The following CEP83 variants were observed in gnomAD, a reference collection of about 807,000 sequenced individuals.
CEP83 encodes the protein centrosomal protein 83.
In CEP83, 70 loss-of-function variants were observed where a neutral mutation model predicts 101.9. The observed-to-expected ratio is 0.69, with a 90% CI of 0.57 to 0.84. The LOEUF is 0.84. Ranked by LOEUF, CEP83 falls within the 40% of genes least tolerant of loss-of-function variation. The pLI is 0.00. For missense variants in CEP83, 715 were observed against 787.2 expected (o/e 0.91, Z 1.10); for synonymous variants, 264 against 267.9 (o/e 0.99, Z 0.14).
chr12:94,278,197 T>G, the CEP83 span: 1 of 369,240 alleles, frequency 2.7e-6, no homozygotes, highest in Admixed American at 3.4e-5. Context: ...CATTCCCTCG[T>G]TAAGCCAGGC....
chr12:94,378,751 A>G, intron 7 of CEP83, 40 bp downstream of exon 7: 1 of 1,597,276 alleles, frequency 6.3e-7, no homozygotes, highest in South Asian at 1.1e-5. Flanking sequence ...CACTTTAAAA[A>G]AGTATGCCAT....
chr12:94,429,915 G>A (rs766781593), intron 2 of CEP83, among the ~76,000 whole-genome samples: 1 of 152,184 alleles, frequency 6.6e-6, no homozygotes, highest in Non-Finnish European at 1.5e-5. Context: ...CATATAGCTG[G>A]TATCACTGAA....
intron 1 of CEP83, among the ~76,000 whole-genome samples, chr12:94,446,466 T>C (rs1177974786): frequency 6.6e-6 from 1 of 152,242 alleles, no homozygotes; most frequent in African/African-American, 2.4e-5. Context: ...TCCCAGCACT[T>C]TGGGAGGGCA....
At chr12:94,303,479 AAAT>A (rs902139217), downstream of CEP83, among the ~76,000 whole-genome samples, 1 of 152,190 alleles carries the variant, frequency 6.6e-6, no homozygotes, top group Non-Finnish European at 1.5e-5. Context: ...AATCATGCAA[AAAT>A]AATAATTTTA....
chr12:94,292,360 A>C, the CEP83 span, among the ~76,000 whole-genome samples: 2 of 152,226 alleles, frequency 1.3e-5, no homozygotes, highest in South Asian at 2.1e-4. Flanking sequence ...TTATATCTTG[A>C]TAAAGGTGGT....
intron 4 of CEP83, among the ~76,000 whole-genome samples, chr12:94,408,824 T>C (rs949958964): frequency 1.4e-4 from 21 of 152,082 alleles, no homozygotes; most frequent in Non-Finnish European, 2.8e-4. Context: ...TAGCCTCAAG[T>C]GATCCTCCTG....
At chr12:94,413,333 G>C (rs1403296947) in intron 2 of CEP83, among the ~76,000 whole-genome samples, 1 of 152,206 alleles carries the variant, frequency 6.6e-6, no homozygotes, top group Admixed American at 6.5e-5. Flanking sequence ...ACTAGAAGCA[G>C]ACTTTCCCAG....
chr12:94,363,940 G>A (rs961006317), intron 11 of CEP83, among the ~76,000 whole-genome samples: 4 of 137,974 alleles, frequency 2.9e-5, no homozygotes, highest in African/African-American at 8.3e-5. Context: ...AGAGTGAGAC[G>A]CTGTCTCAAA....
chr12:94,298,535 T>A, the CEP83 span: 1 of 1,027,762 alleles, frequency 9.7e-7, no homozygotes, highest in South Asian at 1.7e-5. Flanking sequence ...GTTTTGAACA[T>A]TATTTTCTCT....
At chr12:94,403,122 T>G (rs1356113215) in intron 5 of CEP83, 48 bp downstream of exon 5, 1 of 973,032 alleles carries the variant, frequency 1.0e-6, no homozygotes, top group Non-Finnish European at 1.6e-6. Flanking sequence ...TCATCAAGAC[T>G]TTGATCCCAT....
intron 2 of CEP83, among the ~76,000 whole-genome samples, chr12:94,412,909 G>T (rs1412172355): frequency 6.6e-6 from 1 of 150,804 alleles, no homozygotes; most frequent in Non-Finnish European, 1.5e-5. Flanking sequence ...CTGGAGTACA[G>T]TGGCGCTATC....
intron 4 of CEP83, among the ~76,000 whole-genome samples, chr12:94,408,772 C>G (rs1308123205): frequency 1.3e-5 from 2 of 151,918 alleles, no homozygotes; most frequent in South Asian, 2.1e-4. Flanking sequence ...TTTTTAGAGA[C>G]AGAGTTACCC....
chr12:94,274,015 C>A, the CEP83 span, among the ~76,000 whole-genome samples: 1 of 151,930 alleles, frequency 6.6e-6, no homozygotes, highest in Non-Finnish European at 1.5e-5. Flanking sequence ...GCTACTCCCC[C>A]TTTTGTTTGG....
At chr12:94,443,580 TC>T (rs1468769100) in intron 1 of CEP83, among the ~76,000 whole-genome samples, 2 of 151,970 alleles carry the variant, frequency 1.3e-5, no homozygotes, top group Non-Finnish European at 2.9e-5. Context: ...GCAACCTCCG[TC>T]CCGCGGGTTC....
chr12:94,329,026 T>C (rs2059094618), intron 14 of CEP83, among the ~76,000 whole-genome samples: 1 of 152,234 alleles, frequency 6.6e-6, no homozygotes, highest in Admixed American at 6.5e-5. Context: ...TGTAAACTTG[T>C]AAGCTCCTAG....
At chr12:94,317,593 T>C (rs888715962) in intron 14 of CEP83, among the ~76,000 whole-genome samples, 3 of 152,140 alleles carry the variant, frequency 2.0e-5, no homozygotes, top group Non-Finnish European at 4.4e-5. Context: ...CTTTTGCATA[T>C]GGTGTAAGGA....
At chr12:94,350,844 T>C (rs907257883) in intron 11 of CEP83, among the ~76,000 whole-genome samples, 4 of 152,116 alleles carry the variant, frequency 2.6e-5, no homozygotes, top group African/African-American at 9.7e-5. Context: ...AAGATGCATA[T>C]TAAAAGATGC....
chr12:94,317,122 TG>T (rs1482842515), intron 14 of CEP83, among the ~76,000 whole-genome samples: 1 of 152,166 alleles, frequency 6.6e-6, no homozygotes, highest in African/African-American at 2.4e-5. Context: ...TTCTGACTGG[TG>T]TAAGATGGTA....
intron 11 of CEP83, among the ~76,000 whole-genome samples, chr12:94,354,663 A>G (rs1281462089): frequency 6.6e-6 from 1 of 152,236 alleles, no homozygotes; most frequent in East Asian, 1.9e-4. Context: ...GTACAAATAC[A>G]TGAAAATTAA....
Sources: gnomAD v4.1 joint callset for allele counts (sites outside exome capture counted in the v4.1 genomes callset) on GRCh38, gnomAD v4.1.1 for gene constraint, MANE v1.5 for transcripts, NCBI Gene and HGNC (gene_info 2026-07-23, HGNC 2026-07-21) for gene names.